The following AIG1 variants were observed in gnomAD, a reference collection of about 807,000 sequenced individuals.
AIG1 encodes the protein androgen-induced gene 1 protein.
AIG1 carries 23 observed loss-of-function variants against 31.4 expected under a neutral mutation model. The observed-to-expected ratio is 0.73, with a 90% CI of 0.53 to 1.04. The LOEUF (loss-of-function observed/expected upper bound fraction) is 1.04, where lower values mean the gene tolerates loss of function less well. Ranked by LOEUF, AIG1 falls within the 50% of genes least tolerant of loss-of-function variation. AIG1 has a pLI of 0.00. For synonymous variants in AIG1, 100 were observed against 110.5 expected (o/e 0.90, Z 0.60); for missense variants, 274 against 295.0 (o/e 0.93, Z 0.52).
intron 4 of AIG1, among the ~76,000 whole-genome samples, chr6:143,286,587 G>C (rs1256166317): frequency 4.6e-5 from 7 of 152,032 alleles, no homozygotes; most frequent in Non-Finnish European, 1.5e-5. Context: ...CTATGTTAGG[G>C]CCGACATACC....
intron 3 of AIG1, among the ~76,000 whole-genome samples, chr6:143,186,158 T>C (rs966459634): frequency 1.8e-4 from 27 of 152,210 alleles, no homozygotes; most frequent in Non-Finnish European, 3.2e-4. Flanking sequence ...CCGTGGTACC[T>C]GCCCTCTCTG....
intron 1 of AIG1, among the ~76,000 whole-genome samples, chr6:143,119,572 C>T (rs1782067542): frequency 6.6e-6 from 1 of 152,202 alleles, no homozygotes; most frequent in South Asian, 2.1e-4. Context: ...GTAGGGCCTT[C>T]ACCTAAGACA....
At chr6:143,271,508 A>G (rs1796528073) in intron 3 of AIG1, among the ~76,000 whole-genome samples, 1 of 152,214 alleles carries the variant, frequency 6.6e-6, no homozygotes, top group Admixed American at 6.5e-5. Context: ...GACGTTTGCC[A>G]ATCAATCAAA....
intron 4 of AIG1, among the ~76,000 whole-genome samples, chr6:143,324,490 C>G (rs1776453184): frequency 2.0e-5 from 3 of 152,144 alleles, no homozygotes; most frequent in African/African-American, 7.2e-5. Flanking sequence ...TTTCCAGAGC[C>G]CTGTCCCCAT....
chr6:143,289,009 G>T (rs1205104553), intron 4 of AIG1, among the ~76,000 whole-genome samples: 2 of 152,174 alleles, frequency 1.3e-5, no homozygotes, highest in African/African-American at 4.8e-5. Flanking sequence ...AAGGGAGGTT[G>T]TGGAGACCAA....
At chr6:143,335,286 C>T (rs1463297070) in intron 5 of AIG1, 6 of 443,178 alleles carry the variant, frequency 1.4e-5, no homozygotes, top group Non-Finnish European at 1.5e-5. Flanking sequence ...GTAATCCCGG[C>T]ACTTTGGGAG....
rs186604979 is a variant in AIG1 at position 143,237,119 on chromosome 6, A to G, written c.400-46991A>G. On this transcript the variant is annotated intron_variant, in intron 3 of 5. Transcript: ENST00000357847. ...CAGCACAAGAGTTTAACTGTTTTGT[A>G]TACTGCACCCACTCCTTGATATTAA... 4.6e-5 allele frequency among the ~76,000 whole-genome samples: 7 copies of G among 152,302 alleles called. No individual in the cohort carries two copies. The East Asian group carries it at 5.8e-4, about 13-fold the overall frequency.
chr6:143,188,253 C>G, intron 3 of AIG1: 5 of 987,672 alleles, frequency 5.1e-6, no homozygotes, highest in Non-Finnish European at 6.0e-6. Flanking sequence ...AGTAGGCACA[C>G]TCATAGAGTA....
intron 4 of AIG1, among the ~76,000 whole-genome samples, chr6:143,295,498 A>G (rs2128692275): frequency 6.6e-6 from 1 of 152,162 alleles, no homozygotes; most frequent in South Asian, 2.1e-4. Context: ...TTTGCTTGCT[A>G]GCTCCAGACA....
At chr6:143,247,673 AT>A (rs1794710751) in intron 3 of AIG1, among the ~76,000 whole-genome samples, 1 of 152,190 alleles carries the variant, frequency 6.6e-6, no homozygotes, top group Non-Finnish European at 1.5e-5. Flanking sequence ...TTCCCATTTG[AT>A]AGAGGAAGAA....
At chr6:143,317,457 C>G (rs1470516278) in intron 4 of AIG1, among the ~76,000 whole-genome samples, 1 of 151,978 alleles carries the variant, frequency 6.6e-6, no homozygotes, top group East Asian at 1.9e-4. Flanking sequence ...ATCCAGCATC[C>G]CTTTATTATT....
chr6:143,191,906 T>C (rs1039800828), intron 3 of AIG1, among the ~76,000 whole-genome samples: 1 of 141,964 alleles, frequency 7.0e-6, no homozygotes, highest in Non-Finnish European at 1.6e-5. Flanking sequence ...ACTGGAAACA[T>C]GTTTCCCCAC....
intron 4 of AIG1, among the ~76,000 whole-genome samples, chr6:143,305,658 T>C (rs1356354910): frequency 2.6e-5 from 4 of 152,220 alleles, no homozygotes; most frequent in Non-Finnish European, 5.9e-5. Context: ...TGTGGTCAAT[T>C]TTGGAATAGG....
At chr6:143,287,893 G>A (rs17072425) in intron 4 of AIG1, among the ~76,000 whole-genome samples, 2 of 151,732 alleles carry the variant, frequency 1.3e-5, no homozygotes, top group African/African-American at 4.8e-5. Context: ...ACTCATTCTG[G>A]ATCACTTGCA....
intron 4 of AIG1, among the ~76,000 whole-genome samples, chr6:143,304,143 T>C (rs1799058862): frequency 6.6e-6 from 1 of 152,060 alleles, no homozygotes; most frequent in Admixed American, 6.5e-5. Flanking sequence ...AATGGGGTTT[T>C]CTAAATTTAC....
rs536920136 is a variant in AIG1 at position 143,071,696 on chromosome 6, T to G, written c.141+10630T>G. On this transcript the variant is annotated intron_variant, in intron 1 of 5. Transcript: ENST00000357847. ...AGTGGTGGTTCTTTTTTTGTTGTTG[T>G]TGTTGTTGTTCTTCTTCTTCCTCCT... Among the ~76,000 whole-genome samples the G allele has an allele frequency of 1.9e-4, 29 of 151,162 alleles. No individual in the cohort carries two copies. The East Asian group carries it at 5.2e-3, about 27-fold the overall frequency.
At chr6:143,200,170 C>T (rs752588541) in intron 3 of AIG1, among the ~76,000 whole-genome samples, 1 of 152,032 alleles carries the variant, frequency 6.6e-6, no homozygotes, top group Admixed American at 6.5e-5. Context: ...TCTCAAAATA[C>T]AGTATTGGAG....
rs141427735 is a variant in AIG1, at chr6:143,206,235, A to C, written c.399+41052A>C. Among the ~76,000 whole-genome samples the C allele has an allele frequency of 4.1e-4, 63 of 152,330 alleles. No homozygotes were observed. In the East Asian group the frequency reaches 9.8e-3, roughly 24 times the overall value. ...GCTGGCAGGCAACTTTCCACAATGCAGTGTTGATGTAATTCTGGCATGGAG... is the reference window on the plus strand; with the variant it reads ...GCTGGCAGGCAACTTTCCACAATGCCGTGTTGATGTAATTCTGGCATGGAG... On this transcript the variant is annotated intron_variant, in intron 3 of 5. Transcript: ENST00000357847.
At chr6:143,312,364 C>G (rs1775359601) in intron 4 of AIG1, among the ~76,000 whole-genome samples, 1 of 151,812 alleles carries the variant, frequency 6.6e-6, no homozygotes, top group Admixed American at 6.6e-5. Context: ...AAAGCTGACA[C>G]AGATCAATGA....
Sources: allele counts gnomAD v4.1 joint callset (sites outside exome capture counted in the v4.1 genomes callset), GRCh38; gene constraint gnomAD v4.1.1; transcripts MANE v1.5; gene names NCBI Gene and HGNC (gene_info 2026-07-23, HGNC 2026-07-21).